DAAM1: variants seen among roughly 807,000 people sequenced by gnomAD.
DAAM1 encodes disheveled-associated activator of morphogenesis 1.
In DAAM1, 52 loss-of-function variants were observed where a neutral mutation model predicts 130.0. That is an observed-to-expected ratio of 0.40 (90% confidence interval 0.32 to 0.50). The LOEUF (loss-of-function observed/expected upper bound fraction) is 0.50, where lower values mean the gene tolerates loss of function less well. DAAM1 is among the 20% of genes least tolerant of loss of function. The probability of loss-of-function intolerance (pLI) is 0.61; values close to 1 mark genes in which losing one functional copy is unlikely to be tolerated. For missense variants in DAAM1, 1,134 were observed against 1,303.8 expected (o/e 0.87, Z 2.01); for synonymous variants, 452 against 444.5 (o/e 1.02, Z -0.21).
intron 1 of DAAM1, among the ~76,000 whole-genome samples, chr14:59,234,345 G>A (rs1037501747): frequency 2.5e-4 from 38 of 151,962 alleles, no homozygotes; most frequent in African/African-American, 7.0e-4. Context: ...AGTCCTTCAC[G>A]TCCTTTGTCA....
intron 5 of DAAM1, among the ~76,000 whole-genome samples, chr14:59,321,156 T>C (rs1384231146): frequency 6.6e-6 from 1 of 152,204 alleles, no homozygotes; most frequent in Admixed American, 6.5e-5. Context: ...TACTGATACA[T>C]GCTACAACAT....
chr14:59,198,625 GATT>G (rs1193481468), intron 1 of DAAM1, among the ~76,000 whole-genome samples: 2 of 152,196 alleles, frequency 1.3e-5, no homozygotes, highest in Non-Finnish European at 2.9e-5. Flanking sequence ...GGGATAAAGA[GATT>G]TTACAACAGT....
intron 1 of DAAM1, among the ~76,000 whole-genome samples, chr14:59,193,776 C>T (rs1345420751): frequency 6.6e-6 from 1 of 152,166 alleles, no homozygotes; most frequent in Non-Finnish European, 1.5e-5. Context: ...ATGTGCTTCC[C>T]TCTGAGTGTC....
intron 1 of DAAM1, among the ~76,000 whole-genome samples, chr14:59,247,392 T>G (rs1881436143): frequency 6.6e-6 from 1 of 152,318 alleles, no homozygotes; most frequent in East Asian, 1.9e-4. Flanking sequence ...TCCATATGCC[T>G]TCCTGGATGG....
intron 4 of DAAM1, among the ~76,000 whole-genome samples, chr14:59,318,431 A>G (rs12893524): frequency 0.31 from 46,720 of 149,670 alleles, 8,671 homozygotes; most frequent in East Asian, 0.56. Context: ...TCATGTGAGC[A>G]GGTATTTAGT....
chr14:59,212,776 A>G (rs1270943385), intron 1 of DAAM1, among the ~76,000 whole-genome samples: 2 of 152,186 alleles, frequency 1.3e-5, no homozygotes, highest in African/African-American at 4.8e-5. Context: ...TAAGAGATCA[A>G]TTTACATCAT....
chr14:59,277,594 G>A (rs2139534884), intron 2 of DAAM1, among the ~76,000 whole-genome samples: 1 of 151,928 alleles, frequency 6.6e-6, no homozygotes, highest in South Asian at 2.1e-4. Flanking sequence ...TTTAGTTTTT[G>A]AGAAACTAAA....
intron 16 of DAAM1, among the ~76,000 whole-genome samples, chr14:59,342,849 G>A (rs1434366489): frequency 6.6e-6 from 1 of 152,148 alleles, no homozygotes; most frequent in Non-Finnish European, 1.5e-5. Context: ...CAAGAGGAGG[G>A]GCCGGGAAGG....
In DAAM1 at chr14:59,326,495, T is replaced by C; in HGVS notation, c.1175-15T>C. Reference sequence around the variant, plus strand: ...CAACTTGAAGATTTTTTTTCACTATTCTTTTCTTTTTTAGACAAGAGGAGT... The same window carrying C: ...CAACTTGAAGATTTTTTTTCACTATCCTTTTCTTTTTTAGACAAGAGGAGT... On this transcript the variant is annotated splice_polypyrimidine_tract_variant and intron_variant, in intron 10 of 24. Transcript: ENST00000360909. 2 of 1,563,436 alleles carry C rather than the reference T, an allele frequency of 1.3e-6. No homozygotes were observed. The highest frequency in any genetic ancestry group is 2.7e-5 in the African/African-American group (2 of 72,832).
At chr14:59,232,631 C>CT (rs1310405554) in intron 1 of DAAM1, among the ~76,000 whole-genome samples, 1 of 142,960 alleles carries the variant, frequency 7.0e-6, no homozygotes, top group Non-Finnish European at 1.6e-5. Flanking sequence ...TTAAAATTTT[C>CT]TCTTTTTTTT....
chr14:59,349,710 C>G (rs1452227793), intron 17 of DAAM1, among the ~76,000 whole-genome samples: 1 of 152,226 alleles, frequency 6.6e-6, no homozygotes, highest in African/African-American at 2.4e-5. Flanking sequence ...TTCCTCGGAA[C>G]ACATATCTTT....
chr14:59,241,933 CCT>C (rs1375708433), intron 1 of DAAM1, among the ~76,000 whole-genome samples: 1 of 151,990 alleles, frequency 6.6e-6, no homozygotes, highest in East Asian at 1.9e-4. Flanking sequence ...TTTGTTGTTA[CCT>C]ATACAAGGAT....
intron 3 of DAAM1, among the ~76,000 whole-genome samples, chr14:59,293,531 T>C (rs1883835787): frequency 6.6e-6 from 1 of 152,174 alleles, no homozygotes; most frequent in African/African-American, 2.4e-5. Context: ...CTGGCTGGAT[T>C]GCACAGACCT....
At chr14:59,319,666 G>A (rs192408421) in intron 4 of DAAM1, among the ~76,000 whole-genome samples, 2 of 152,274 alleles carry the variant, frequency 1.3e-5, no homozygotes, top group African/African-American at 4.8e-5. Flanking sequence ...GCAACCAGGT[G>A]ATCACAGAGT....
chr14:59,354,025 A>G (rs1206649672), intron 19 of DAAM1, 61 bp downstream of exon 19: 1 of 1,510,790 alleles, frequency 6.6e-7, no homozygotes, highest in East Asian at 2.3e-5. Flanking sequence ...TTAAAAGTGC[A>G]ATCCAAGTGC....
At chr14:59,338,359 T>C in intron 15 of DAAM1, 1 of 1,613,408 alleles carries the variant, frequency 6.2e-7, no homozygotes, top group Non-Finnish European at 8.5e-7. Flanking sequence ...TGATTTGCCT[T>C]TTCCATGCCT....
chr14:59,348,700 G>A (rs1369863748), intron 17 of DAAM1, among the ~76,000 whole-genome samples: 1 of 152,182 alleles, frequency 6.6e-6, no homozygotes, highest in Admixed American at 6.5e-5. Flanking sequence ...GTTGTTAACA[G>A]TAATCCTGAG....
chr14:59,349,639 T>C (rs1160178848), intron 17 of DAAM1, among the ~76,000 whole-genome samples: 2 of 152,218 alleles, frequency 1.3e-5, no homozygotes, highest in East Asian at 3.9e-4. Flanking sequence ...TCCCCTCCTC[T>C]CTTGCTGCTT....
At chr14:59,354,335 C>T (rs528709676) in intron 19 of DAAM1, among the ~76,000 whole-genome samples, 1 of 152,208 alleles carries the variant, frequency 6.6e-6, no homozygotes, top group Non-Finnish European at 1.5e-5. Flanking sequence ...GCTGGGATTA[C>T]AGGCGTGAGC....
Sources: gnomAD v4.1 joint callset for allele counts (sites outside exome capture counted in the v4.1 genomes callset) on GRCh38, gnomAD v4.1.1 for gene constraint, MANE v1.5 for transcripts, NCBI Gene and HGNC (gene_info 2026-07-23, HGNC 2026-07-21) for gene names.